The following MRPS25 variants were observed in gnomAD, a reference collection of about 807,000 sequenced individuals.
The protein encoded by MRPS25 is mitochondrial ribosomal protein S25, also known as small ribosomal subunit protein mS25.
In MRPS25, 15 loss-of-function variants were observed where a neutral mutation model predicts 17.3. That is an observed-to-expected ratio of 0.87 (90% CI 0.58 to 1.34). The LOEUF (loss-of-function observed/expected upper bound fraction) is 1.34. Ranked by LOEUF, MRPS25 falls within the 40% of genes most tolerant of loss-of-function variation. MRPS25 has a pLI of 0.00. For missense variants in MRPS25, 225 were observed against 218.6 expected (o/e 1.03, Z -0.19); for synonymous variants, 94 against 83.3 (o/e 1.13, Z -0.70).
intron 2 of MRPS25, among the ~76,000 whole-genome samples, chr3:15,056,278 G>A (rs1274855939): frequency 6.6e-6 from 1 of 151,994 alleles, no homozygotes; most frequent in Non-Finnish European, 1.5e-5. Flanking sequence ...AATAAGCACA[G>A]GAAAAGATAC....
Position 15,055,985 on chromosome 3 carries a change from G to A in MRPS25, c.242-2518C>T, listed in dbSNP as rs531645760. 9.9e-5 allele frequency among the ~76,000 whole-genome samples: 15 copies of A among 151,776 alleles called. No individual in the cohort carries two copies. In the South Asian group the frequency reaches 1.0e-3, roughly 11 times the overall value. On this transcript the variant is annotated intron_variant, in intron 2 of 3. Coordinates refer to ENST00000253686, the MANE Select transcript of MRPS25 (RefSeq NM_022497.5). Reference sequence around the variant, plus strand: ...TCCCAGCACTTTGGGAGGCCGAGGCGGGCGGATCACGAGGTCAGGAGATCG... The same window carrying A: ...TCCCAGCACTTTGGGAGGCCGAGGCAGGCGGATCACGAGGTCAGGAGATCG...
intron 1 of MRPS25, among the ~76,000 whole-genome samples, chr3:15,063,178 A>G (rs2042803510): frequency 6.6e-6 from 1 of 152,202 alleles, no homozygotes; most frequent in African/African-American, 2.4e-5. Context: ...TAAGGAAACT[A>G]AGGTCAGAAG....
chr3:15,055,010 G>A (rs765006070), intron 2 of MRPS25, among the ~76,000 whole-genome samples: 11 of 152,206 alleles, frequency 7.2e-5, no homozygotes, highest in Non-Finnish European at 1.5e-4. Flanking sequence ...TGCTTCTGGG[G>A]AGGCCTCAGG....
chr3:15,061,817 G>A (rs990548160), intron 1 of MRPS25, among the ~76,000 whole-genome samples: 1 of 151,698 alleles, frequency 6.6e-6, no homozygotes, highest in Non-Finnish European at 1.5e-5. Context: ...GAGCGCCTCT[G>A]CCCGGCCGCG....
downstream of MRPS25, chr3:15,047,114 T>C (rs2042484265): frequency 6.5e-6 from 1 of 152,680 alleles, no homozygotes; most frequent in South Asian, 2.1e-4. Context: ...TATGTGTACA[T>C]AGATGTATAT....
At chr3:15,053,294 TC>T in intron 3 of MRPS25, 85 bp downstream of exon 3, 1 of 1,591,662 alleles carries the variant, frequency 6.3e-7, no homozygotes, top group East Asian at 2.3e-5. Context: ...ATCTTACCTC[TC>T]AACACCCTTC....
chr3:15,044,179 G>C (rs557519850), downstream of MRPS25: 13 of 152,292 alleles, frequency 8.5e-5, no homozygotes, highest in African/African-American at 2.4e-4. Context: ...GTTAGGGCCT[G>C]GTAAAGCTGG....
Position 15,065,263 on chromosome 3 carries a change from C to T in MRPS25, c.-69G>A, listed in dbSNP as rs2042839036. The T allele has an allele frequency of 2.0e-6, 3 of 1,473,748 alleles. No homozygotes were observed. Among genetic ancestry groups the T allele is most frequent in the Admixed American group, 2.3e-5 (1 of 43,142 alleles). The allele number at this position is 1,473,748 out of a possible 1,614,324, so 91.3% of individuals were successfully genotyped here. A position where few individuals can be genotyped will look rare whatever the true frequency, so the allele number is the denominator to read the frequency against. The stretch of plus-strand genomic sequence containing the variant: ...GCAGCGACGAGAAAGGACTAGCTAG[C>T]ACCCGCGCGGATCTCACGCGGCTTC... On this transcript the variant is annotated 5_prime_UTR_variant, in exon 1 of 4. Coordinates refer to ENST00000253686, the MANE Select transcript of MRPS25 (RefSeq NM_022497.5).
intron 2 of MRPS25, among the ~76,000 whole-genome samples, chr3:15,058,253 G>A (rs571208541): frequency 2.6e-4 from 39 of 151,834 alleles, no homozygotes; most frequent in African/African-American, 8.0e-4. Context: ...GCAGTGGCGC[G>A]ATCTCGGCTC....
intron 1 of MRPS25, among the ~76,000 whole-genome samples, chr3:15,061,827 G>A (rs541651247): frequency 2.1e-5 from 3 of 141,672 alleles, no homozygotes; most frequent in South Asian, 2.3e-4. Flanking sequence ...GCCCGGCCGC[G>A]ACCCCGTCTG....
rs761024411 is a variant in MRPS25, at chr3:15,048,990, TG to T, written c.*3450del. ...TTTTAATGCCAGGTTTAAAACCTGT[TG>T]AAAGCTGCAGCTTTATACAGCTTTC... On this transcript the variant is annotated 3_prime_UTR_variant, in exon 4 of 4. Coordinates refer to ENST00000253686, the MANE Select transcript of MRPS25 (RefSeq NM_022497.5). 10 of 152,814 alleles carry T rather than the reference TG, an allele frequency of 6.5e-5. No homozygotes were observed. Among genetic ancestry groups the T allele is most frequent in the Non-Finnish European group, 1.5e-4 (10 of 68,036 alleles). 9.5% of individuals were successfully genotyped at this position (152,814 alleles called of 1,614,324 possible).
intron 3 of MRPS25, 116 bp from the exon 4 acceptor site, chr3:15,052,749 T>A: frequency 9.4e-7 from 1 of 1,058,426 alleles, no homozygotes; most frequent in Non-Finnish European, 1.4e-6. Context: ...TCTCCTGCCT[T>A]CTAACCTGAT....
intron 2 of MRPS25, among the ~76,000 whole-genome samples, chr3:15,059,054 C>T (rs1434420343): frequency 1.4e-5 from 2 of 146,422 alleles, no homozygotes; most frequent in South Asian, 2.2e-4. Flanking sequence ...AATAAGCAAA[C>T]GCAGGTAGAA....
downstream of MRPS25, chr3:15,043,925 G>A (rs564371389): frequency 6.6e-6 from 1 of 152,342 alleles, no homozygotes; most frequent in South Asian, 2.1e-4. Context: ...CGTGGCAGAT[G>A]GAGCCTTGTG....
Position 15,049,934 on chromosome 3 carries a change from G to A in MRPS25, c.*2507C>T. On this transcript the variant is annotated 3_prime_UTR_variant, in exon 4 of 4. Coordinates refer to ENST00000253686, the MANE Select transcript of MRPS25 (RefSeq NM_022497.5). ...GGTTTAGATGGTGCTGCCAGGTAGTGCCTCAAAGAGAAGAAAAGTGGTCAC... is the reference window on the plus strand; with the variant it reads ...GGTTTAGATGGTGCTGCCAGGTAGTACCTCAAAGAGAAGAAAAGTGGTCAC... 4 of 1,530,652 alleles carry A rather than the reference G, an allele frequency of 2.6e-6. No individual in the cohort carries two copies. Among genetic ancestry groups the A allele is most frequent in the Non-Finnish European group, 3.5e-6 (4 of 1,145,394 alleles). 94.8% of individuals were successfully genotyped at this position (1,530,652 alleles called of 1,614,324 possible). A position where few individuals can be genotyped will look rare whatever the true frequency, so the allele number is the denominator to read the frequency against.
Position 15,058,517 on chromosome 3 carries a change from T to A in MRPS25, c.241+852A>T, listed in dbSNP as rs544811991. 1.3e-3 allele frequency among the ~76,000 whole-genome samples: 193 copies of A among 152,272 alleles called. 2 individuals carry two copies. The highest frequency in any genetic ancestry group is 4.3e-4 in the Non-Finnish European group (29 of 68,004). ...ATCTTTTGTTAAAATTTCTTGTTCA[T>A]TCTGTCTCCCTCTGCTGGATATAAT... On this transcript the variant is annotated intron_variant, in intron 2 of 3. Transcript: ENST00000253686.
chr3:15,045,890 G>A (rs2042432691), downstream of MRPS25: 1 of 152,252 alleles, frequency 6.6e-6, no homozygotes, highest in African/African-American at 2.4e-5. Context: ...GGCTCAGAGA[G>A]GTGGGACAGA....
downstream of MRPS25, chr3:15,043,113 G>A (rs1337553881): frequency 3.1e-5 from 33 of 1,075,216 alleles, no homozygotes; most frequent in Non-Finnish European, 4.1e-5. Flanking sequence ...CCATATGTTA[G>A]CCATTTCCTG....
rs1247402228 is a variant in MRPS25, at chr3:15,059,439, G to A, written c.171C>T (p.Tyr57=). Reference sequence around the variant, plus strand: ...TCATGATCTGCACCCAAGGGTTTTTGTATTGAATCTGAGGTATGTTGAAAA... The same window carrying A: ...TCATGATCTGCACCCAAGGGTTTTTATATTGAATCTGAGGTATGTTGAAAA... ...FVFFNIPQIQ[Y]KNPWVQIMMF... Residue 57 remains tyrosine (Y), a synonymous_variant, in exon 2 of 4, where the codon TAC becomes TAT. Transcript: ENST00000253686. The A allele has an allele frequency of 1.2e-6, 2 of 1,613,524 alleles. No individual in the cohort carries two copies. Among genetic ancestry groups the A allele is most frequent in the Non-Finnish European group, 1.7e-6 (2 of 1,179,650 alleles).
Sources: gnomAD v4.1 joint callset for allele counts (sites outside exome capture counted in the v4.1 genomes callset) on GRCh38, gnomAD v4.1.1 for gene constraint, MANE v1.5 for transcripts, NCBI Gene and HGNC (gene_info 2026-07-23, HGNC 2026-07-21) for gene names.